MAGT1: variants seen among roughly 807,000 people sequenced by gnomAD.
The protein encoded by MAGT1 is dolichyl-diphosphooligosaccharide--protein glycosyltransferase subunit MAGT1.
A neutral mutation model predicts 28.4 loss-of-function variants in MAGT1; 4 were observed. That is an observed-to-expected ratio of 0.14 (90% confidence interval 0.07 to 0.32). The LOEUF is 0.32. Among genes scored for constraint, MAGT1 ranks in the 10% least tolerant of loss-of-function variants. MAGT1 has a pLI of 1.00. For missense variants in MAGT1, 193 were observed against 264.5 expected, an observed-to-expected ratio of 0.73 and a Z score of 1.88; for synonymous variants, 89 against 89.7, an observed-to-expected ratio of 0.99 and a Z score of 0.04.
chrX:77,832,387 T>A (rs1256238740), intron 8 of MAGT1, among the ~76,000 whole-genome samples: 2 of 105,989 alleles, frequency 1.9e-5, no homozygotes, highest in Non-Finnish European at 3.9e-5. Flanking sequence ...ACACTAACAC[T>A]AATGATAGCT....
chrX:77,856,537 T>C, intron 5 of MAGT1, 196 bp downstream of exon 5: 1 of 415,665 alleles, frequency 2.4e-6, no homozygotes, highest in Non-Finnish European at 4.2e-6. Context: ...GTACAATCAG[T>C]TCCTTGAAGT....
chrX:77,884,195 A>G (rs2149028350), intron 1 of MAGT1, among the ~76,000 whole-genome samples: 1 of 111,638 alleles, frequency 9.0e-6, no homozygotes, highest in African/African-American at 3.2e-5. Flanking sequence ...TCTGTCTAAA[A>G]AACAAACAAA....
intron 3 of MAGT1, among the ~76,000 whole-genome samples, chrX:77,863,411 A>T (rs1250000745): frequency 9.3e-6 from 1 of 106,962 alleles, no homozygotes; most frequent in Non-Finnish European, 1.9e-5. Context: ...GCTACTCGGG[A>T]GGCTGAGGCA....
chrX:77,865,525 C>T (rs1275856048), intron 3 of MAGT1, among the ~76,000 whole-genome samples: 1 of 108,577 alleles, frequency 9.2e-6, no homozygotes, highest in Non-Finnish European at 1.9e-5. Flanking sequence ...GATATCCTGA[C>T]CTCGTGATCT....
intron 1 of MAGT1, among the ~76,000 whole-genome samples, chrX:77,878,289 C>CAAAAAAAAAAAAAA (rs1205547369): frequency 1.3e-4 from 2 of 15,063 alleles, no homozygotes; most frequent in Non-Finnish European, 2.3e-4. Flanking sequence ...AACTCTGATG[C>CAAAAAAAAAAAAAA]AAAAAAAAAA....
chrX:77,847,115 C>T (rs949562250), intron 7 of MAGT1, among the ~76,000 whole-genome samples: 1 of 112,432 alleles, frequency 8.9e-6, no homozygotes, highest in East Asian at 2.8e-4. Context: ...TGCTTACCTA[C>T]TCAAGCCTCG....
intron 7 of MAGT1, among the ~76,000 whole-genome samples, chrX:77,847,893 T>C (rs2076956738): frequency 9.0e-6 from 1 of 111,486 alleles, no homozygotes; most frequent in African/African-American, 3.3e-5. Flanking sequence ...GTTACAGGCA[T>C]GAGCCACCAT....
At chrX:77,851,843 T>C (rs2076969256) in intron 7 of MAGT1, among the ~76,000 whole-genome samples, 1 of 110,261 alleles carries the variant, frequency 9.1e-6, no homozygotes, top group East Asian at 2.9e-4. Flanking sequence ...CAACTAAAAT[T>C]TTAGGATTAA....
At chrX:77,833,579 AAAG>A (rs1310788176) in intron 8 of MAGT1, among the ~76,000 whole-genome samples, 1 of 112,169 alleles carries the variant, frequency 8.9e-6, no homozygotes, top group Non-Finnish European at 1.9e-5. Context: ...TAACTTAACC[AAAG>A]AAGTGAAAGA....
At chrX:77,857,011 A>T in intron 4 of MAGT1, 138 bp from the exon 5 acceptor site, 1 of 560,015 alleles carries the variant, frequency 1.8e-6, no homozygotes, top group Non-Finnish European at 2.9e-6. Flanking sequence ...ATGTTATCCC[A>T]ATCAAACTAG....
chrX:77,856,658 A>G, intron 5 of MAGT1, 75 bp downstream of exon 5: 2 of 988,148 alleles, frequency 2.0e-6, no homozygotes, highest in Non-Finnish European at 2.9e-6. Context: ...CTTCTCACAT[A>G]AATAAAAGCT....
At position 77,828,368 on chromosome X, in the gene MAGT1, C is replaced by A. The variant is rs1410295715; in HGVS notation, c.*852G>T. ...ATCACTTGAGCCCAGGAGTTCAAGA[C>A]CAGCCTGGACAACTTGGCGAAACCC... On this transcript the variant is annotated 3_prime_UTR_variant, in exon 10 of 10. Coordinates refer to ENST00000618282, the MANE Select transcript of MAGT1 (RefSeq NM_001367916.1). 1 of 109,661 alleles carries A rather than the reference C, an allele frequency of 9.1e-6. No individual in the cohort carries two copies. Among genetic ancestry groups the A allele is most frequent in the East Asian group, 2.9e-4 (1 of 3,420 alleles). The allele number at this position is 109,661 out of a possible 1,213,427, so 9.0% of individuals were successfully genotyped here.
At chrX:77,883,104 A>AT (rs2077057664) in intron 1 of MAGT1, among the ~76,000 whole-genome samples, 1 of 102,595 alleles carries the variant, frequency 9.7e-6, no homozygotes, top group African/African-American at 3.5e-5. Flanking sequence ...TTAATATAAT[A>AT]ACATAATTAT....
intron 8 of MAGT1, among the ~76,000 whole-genome samples, chrX:77,835,962 C>A (rs1236376143): frequency 9.0e-6 from 1 of 110,737 alleles, no homozygotes; most frequent in Non-Finnish European, 1.9e-5. Context: ...CACCACTACG[C>A]CCAGCTAATT....
intron 7 of MAGT1, among the ~76,000 whole-genome samples, chrX:77,843,849 A>G (rs2076942524): frequency 9.0e-6 from 1 of 111,257 alleles, no homozygotes; most frequent in Admixed American, 9.7e-5. Context: ...TTTTTTTGCC[A>G]GTATTTTATT....
At chrX:77,847,670 G>A (rs2076955856) in intron 7 of MAGT1, among the ~76,000 whole-genome samples, 1 of 104,962 alleles carries the variant, frequency 9.5e-6, no homozygotes, top group African/African-American at 3.5e-5. Flanking sequence ...GAGTGCAGTG[G>A]AGCCATCTTG....
chrX:77,832,780 G>A (rs1478132832), intron 8 of MAGT1, among the ~76,000 whole-genome samples: 1 of 87,934 alleles, frequency 1.1e-5, no homozygotes, highest in Non-Finnish European at 2.1e-5. Context: ...CCAAGATCGC[G>A]CCACTGCACT....
At chrX:77,856,439 A>G (rs1356212871) in intron 5 of MAGT1, 3 of 196,242 alleles carry the variant, frequency 1.5e-5, no homozygotes, top group Non-Finnish European at 2.8e-5. Context: ...CTCCGCCTCA[A>G]AGAAAAAAAA....
chrX:77,849,845 A>C (rs1020307727), intron 7 of MAGT1, among the ~76,000 whole-genome samples: 2 of 104,861 alleles, frequency 1.9e-5, no homozygotes, highest in Non-Finnish European at 3.9e-5. Context: ...ATTGAACTCT[A>C]GCCTGGGCAA....
Sources: allele counts gnomAD v4.1 joint callset (sites outside exome capture counted in the v4.1 genomes callset), GRCh38; gene constraint gnomAD v4.1.1; transcripts MANE v1.5; gene names NCBI Gene and HGNC (gene_info 2026-07-23, HGNC 2026-07-21).